Variants in TTC23L observed in about 807,000 individuals in gnomAD.
TTC23L encodes the protein tetratricopeptide repeat domain 23 like.
Under a neutral mutation model 48.1 loss-of-function variants are expected in TTC23L, and 42 were observed. The ratio of observed to expected loss-of-function variants is 0.87; its 90% confidence interval spans 0.68 to 1.13. TTC23L has a LOEUF of 1.13. TTC23L is among the 50% of genes most tolerant of loss of function. The pLI, the probability that TTC23L is intolerant of heterozygous loss-of-function variation, is 0.00. For missense variants in TTC23L, 391 were observed against 421.0 expected (o/e 0.93, Z 0.62); for synonymous variants, 159 against 157.2 (o/e 1.01, Z -0.09).
rs1762132441 is a variant in TTC23L at position 34,880,241 on chromosome 5, A to G, written c.1010A>G (p.Glu337Gly). 1 of 1,613,570 alleles carries G rather than the reference A, an allele frequency of 6.2e-7. No homozygotes were observed. The highest frequency in any genetic ancestry group is 1.3e-5 in the African/African-American group (1 of 74,936). The change falls in exon 9 of 11, where the codon GAG becomes GGG. Residue 337 changes from glutamate (E) to glycine (G), a missense_variant. Transcript: ENST00000505624. ...GCATATCGAGCAACATTGGGCTCAG[A>G]GGATTTTGAAACACTGAGCACCACT...
chr5:34,851,578 G>C (rs1759677438), intron 4 of TTC23L, among the ~76,000 whole-genome samples: 1 of 152,194 alleles, frequency 6.6e-6, no homozygotes, highest in Admixed American at 6.5e-5. Context: ...TCTGAAAGAA[G>C]GTGCTATGGC....
At chr5:34,875,603 G>C (rs1484809513) in intron 8 of TTC23L, among the ~76,000 whole-genome samples, 1 of 152,082 alleles carries the variant, frequency 6.6e-6, no homozygotes, top group Non-Finnish European at 1.5e-5. Flanking sequence ...CCAGCCCACT[G>C]TCTCTAATGT....
At chr5:34,840,569 CAGTTTT>C in intron 1 of TTC23L, 90 bp from the exon 2 acceptor site, 1 of 978,098 alleles carries the variant, frequency 1.0e-6, no homozygotes, top group Non-Finnish European at 1.6e-6. Flanking sequence ...TATATTTGAG[CAGTTTT>C]AGTTTAATGT....
intron 9 of TTC23L, among the ~76,000 whole-genome samples, chr5:34,895,537 T>C (rs1763162882): frequency 6.6e-6 from 1 of 152,224 alleles, no homozygotes; most frequent in African/African-American, 2.4e-5. Flanking sequence ...ATATACCTTT[T>C]GATGGGTATA....
chr5:34,849,911 G>A (rs1759523767), intron 3 of TTC23L, among the ~76,000 whole-genome samples: 1 of 152,220 alleles, frequency 6.6e-6, no homozygotes, highest in Non-Finnish European at 1.5e-5. Flanking sequence ...GGGCCAGAGA[G>A]GAAGCAATTG....
At chr5:34,859,496 A>G (rs571627099) in intron 4 of TTC23L, among the ~76,000 whole-genome samples, 12 of 152,264 alleles carry the variant, frequency 7.9e-5, no homozygotes, top group South Asian at 6.2e-4. Context: ...CTGTGATAGC[A>G]TCAAGAGGTG....
chr5:34,875,831 G>A (rs1240148663), intron 8 of TTC23L, among the ~76,000 whole-genome samples: 1 of 152,136 alleles, frequency 6.6e-6, no homozygotes, highest in Non-Finnish European at 1.5e-5. Context: ...AACAATAGCA[G>A]AATGCACATT....
chr5:34,892,808 T>C (rs944813071), intron 9 of TTC23L, among the ~76,000 whole-genome samples: 2 of 152,018 alleles, frequency 1.3e-5, no homozygotes, highest in Admixed American at 6.6e-5. Context: ...CGAGTGGTTG[T>C]AGTTTAAGGT....
At position 34,851,703 on chromosome 5, in the gene TTC23L, ATC is replaced by A. The variant is rs1759688444; in HGVS notation, c.379+1401_379+1402del. Among the ~76,000 whole-genome samples the A allele has an allele frequency of 3.9e-5, 6 of 152,252 alleles. No individual in the cohort carries two copies. In the South Asian group the frequency reaches 1.2e-3, roughly 32 times the overall value. ...GGCGTTCCGTGCTTCCTTACTTGGA[ATC>A]TCTCTATTCCCATCAGACTGATTTT... On this transcript the variant is annotated intron_variant, in intron 4 of 10. Transcript: ENST00000505624.
At chr5:34,869,106 A>T in intron 8 of TTC23L, 93 bp downstream of exon 8, 1 of 1,033,814 alleles carries the variant, frequency 9.7e-7, no homozygotes, top group Non-Finnish European at 1.5e-6. Flanking sequence ...TTAGCTATTT[A>T]TTCCTGTAAT....
the TTC23L span, chr5:34,922,002 C>G: frequency 3.2e-6 from 1 of 309,222 alleles, no homozygotes; most frequent in Non-Finnish European, 5.9e-6. Context: ...ATAATTTCAC[C>G]CAAGATATGG....
At chr5:34,919,296 A>G in the TTC23L span, among the ~76,000 whole-genome samples, 2 of 150,454 alleles carry the variant, frequency 1.3e-5, no homozygotes, top group African/African-American at 4.9e-5. Flanking sequence ...AAAAAAAAAA[A>G]AAAAGTTTGG....
intron 4 of TTC23L, among the ~76,000 whole-genome samples, chr5:34,854,645 C>T (rs1759975357): frequency 6.6e-6 from 1 of 152,164 alleles, no homozygotes; most frequent in Non-Finnish European, 1.5e-5. Flanking sequence ...CCTCACTGCA[C>T]CCATTCATGT....
At chr5:34,886,129 A>G (rs1050396703) in intron 9 of TTC23L, among the ~76,000 whole-genome samples, 50 of 152,298 alleles carry the variant, frequency 3.3e-4, no homozygotes, top group African/African-American at 1.0e-3. Flanking sequence ...CATCTGTAAA[A>G]TGAGTATAAT....
the TTC23L span, among the ~76,000 whole-genome samples, chr5:34,919,220 G>A: frequency 3.5e-5 from 5 of 144,400 alleles, no homozygotes; most frequent in Middle Eastern, 3.8e-3. Context: ...AGGCTGTCAT[G>A]AGCCGTGATT....
chr5:34,913,962 T>C, the TTC23L span: 2 of 457,316 alleles, frequency 4.4e-6, no homozygotes, highest in African/African-American at 4.0e-5. Context: ...TCAAGCGATC[T>C]TCGTGCTTCA....
intron 4 of TTC23L, among the ~76,000 whole-genome samples, chr5:34,860,130 A>G (rs1760485579): frequency 6.6e-6 from 1 of 152,050 alleles, no homozygotes; most frequent in South Asian, 2.1e-4. Context: ...TACAGGCGTG[A>G]GCCACTGTGC....
At chr5:34,898,767 GAACA>G (rs1456533005) in intron 10 of TTC23L, among the ~76,000 whole-genome samples, 9 of 152,118 alleles carry the variant, frequency 5.9e-5, no homozygotes, top group African/African-American at 1.4e-4. Flanking sequence ...ATATTCTACA[GAACA>G]AATATTCTTT....
intron 4 of TTC23L, among the ~76,000 whole-genome samples, chr5:34,851,169 G>A (rs1021114494): frequency 1.3e-5 from 2 of 152,182 alleles, no homozygotes; most frequent in African/African-American, 4.8e-5. Flanking sequence ...CTTATGAACT[G>A]AGCCACTGGC....
Sources: gnomAD v4.1 joint callset for allele counts (sites outside exome capture counted in the v4.1 genomes callset) on GRCh38, gnomAD v4.1.1 for gene constraint, MANE v1.5 for transcripts, NCBI Gene and HGNC (gene_info 2026-07-23, HGNC 2026-07-21) for gene names.